The following MCC variants were observed in gnomAD, a reference collection of about 807,000 sequenced individuals.
MCC encodes the protein MCC regulator of Wnt signaling pathway.
In MCC, 90 loss-of-function variants were observed where a neutral mutation model predicts 116.2. The ratio of observed to expected loss-of-function variants is 0.77; its 90% CI spans 0.65 to 0.92. The LOEUF is 0.92. Ranked by LOEUF, MCC falls within the 40% of genes least tolerant of loss-of-function variation. The pLI, the probability that MCC is intolerant of heterozygous loss-of-function variation, is 0.00. For synonymous variants in MCC, 578 were observed against 510.5 expected, an observed-to-expected ratio of 1.13 and a Z score of -1.78; for missense variants, 1,516 against 1,312.2, an observed-to-expected ratio of 1.16 and a Z score of -2.40.
intron 3 of MCC, among the ~76,000 whole-genome samples, chr5:113,184,712 C>G (rs537068117): frequency 5.9e-5 from 9 of 152,112 alleles, no homozygotes; most frequent in African/African-American, 1.9e-4. Flanking sequence ...AAGAGATGGA[C>G]AGGTATAAGT....
chr5:113,482,388 G>A (rs748908148), intron 1 of MCC, among the ~76,000 whole-genome samples: 4 of 152,096 alleles, frequency 2.6e-5, no homozygotes, highest in Non-Finnish European at 4.4e-5. Context: ...CAATATAGAA[G>A]GGTTCTGATT....
At chr5:113,096,565 T>A (rs536929849) in intron 8 of MCC, among the ~76,000 whole-genome samples, 20 of 152,132 alleles carry the variant, frequency 1.3e-4, no homozygotes, top group African/African-American at 4.6e-4. Context: ...CTGTTGAATA[T>A]CCACATGTTC....
intron 1 of MCC, among the ~76,000 whole-genome samples, chr5:113,455,937 G>A (rs1181411900): frequency 6.6e-6 from 1 of 151,902 alleles, no homozygotes; most frequent in Non-Finnish European, 1.5e-5. Flanking sequence ...CCACAGAAAG[G>A]GTAAATAAAC....
chr5:113,089,492 A>C (rs1297052565), intron 8 of MCC, among the ~76,000 whole-genome samples: 1 of 152,262 alleles, frequency 6.6e-6, no homozygotes, highest in African/African-American at 2.4e-5. Context: ...CTGATGGTTC[A>C]GATAGGAAAT....
chr5:113,430,479 G>C (rs1770601388), intron 1 of MCC, among the ~76,000 whole-genome samples: 1 of 152,188 alleles, frequency 6.6e-6, no homozygotes, highest in Admixed American at 6.5e-5. Context: ...TCTGAGGGTA[G>C]AAACATAAGT....
At chr5:113,257,609 G>T (rs1765066739) in intron 3 of MCC, among the ~76,000 whole-genome samples, 1 of 152,112 alleles carries the variant, frequency 6.6e-6, no homozygotes, top group South Asian at 2.1e-4. Flanking sequence ...CAGACAAGAG[G>T]TACAGAAAAC....
At chr5:113,175,469 G>A (rs927571843) in intron 3 of MCC, among the ~76,000 whole-genome samples, 1 of 152,138 alleles carries the variant, frequency 6.6e-6, no homozygotes, top group African/African-American at 2.4e-5. Context: ...AGTTAATTTA[G>A]CTATTCACAG....
chr5:113,165,939 C>T (rs770725874), intron 3 of MCC, among the ~76,000 whole-genome samples: 1 of 140,308 alleles, frequency 7.1e-6, no homozygotes, highest in Admixed American at 7.2e-5. Context: ...CATTTGCAAG[C>T]TAAATTTCTC....
chr5:113,356,063 ATT>A (rs5870538), intron 2 of MCC, among the ~76,000 whole-genome samples: 1 of 140,146 alleles, frequency 7.1e-6, no homozygotes. Flanking sequence ...GGCAAGGTGT[ATT>A]TTTTTTTTTT....
At chr5:113,096,087 C>G (rs1373419767) in intron 8 of MCC, among the ~76,000 whole-genome samples, 2 of 152,324 alleles carry the variant, frequency 1.3e-5, no homozygotes, top group East Asian at 3.9e-4. Flanking sequence ...CAGTGCAGGG[C>G]AGGCTCCACA....
At chr5:113,285,399 C>T (rs113195527) in intron 3 of MCC, among the ~76,000 whole-genome samples, 3,033 of 138,944 alleles carry the variant, frequency 0.022, 34 homozygotes, top group Middle Eastern at 0.035. Flanking sequence ...CAAATTCAGG[C>T]CTGCGTTGGA....
intron 1 of MCC, among the ~76,000 whole-genome samples, chr5:113,418,230 G>A (rs1009490088): frequency 4.6e-5 from 7 of 151,246 alleles, no homozygotes; most frequent in Admixed American, 2.0e-4. Flanking sequence ...AGGGGTACAC[G>A]TTGTGCACAT....
At chr5:113,332,180 G>A (rs1561526851) in intron 3 of MCC, among the ~76,000 whole-genome samples, 2 of 150,904 alleles carry the variant, frequency 1.3e-5, no homozygotes. Context: ...TTTCTTTTTT[G>A]ATGTTTCCTT....
intron 3 of MCC, among the ~76,000 whole-genome samples, chr5:113,273,111 GAA>G: frequency 6.6e-6 from 1 of 152,276 alleles, no homozygotes; most frequent in Middle Eastern, 3.4e-3. Flanking sequence ...AAAAATAAAA[GAA>G]TATCTTAATC....
At chr5:113,384,008 T>A (rs534110541) in intron 2 of MCC, among the ~76,000 whole-genome samples, 2 of 152,128 alleles carry the variant, frequency 1.3e-5, no homozygotes, top group Non-Finnish European at 2.9e-5. Context: ...ACCCTGAAAA[T>A]TCAGATACTT....
intron 4 of MCC, among the ~76,000 whole-genome samples, chr5:113,146,933 T>C (rs970758718): frequency 7.9e-5 from 12 of 152,204 alleles, no homozygotes; most frequent in Non-Finnish European, 1.3e-4. Context: ...TTGCAGTGTC[T>C]TGCCTGCCAT....
intron 3 of MCC, among the ~76,000 whole-genome samples, chr5:113,295,410 A>G (rs1038933429): frequency 1.3e-4 from 20 of 152,098 alleles, no homozygotes; most frequent in African/African-American, 4.8e-4. Context: ...GGGGCAGAGT[A>G]CATTTTCTGC....
At chr5:113,443,740 T>C (rs1347250902) in intron 1 of MCC, among the ~76,000 whole-genome samples, 1 of 152,226 alleles carries the variant, frequency 6.6e-6, no homozygotes, top group Non-Finnish European at 1.5e-5. Flanking sequence ...CTTTTCTGTA[T>C]CTCTTGAGAT....
At chr5:113,435,123 G>A (rs1043653584) in intron 1 of MCC, 2 of 410,252 alleles carry the variant, frequency 4.9e-6, no homozygotes, top group Non-Finnish European at 4.5e-6. Flanking sequence ...GGCTGGAGCA[G>A]ACAAGATGAG....
Sources: gnomAD v4.1 joint callset for allele counts (sites outside exome capture counted in the v4.1 genomes callset) on GRCh38, gnomAD v4.1.1 for gene constraint, MANE v1.5 for transcripts, NCBI Gene and HGNC (gene_info 2026-07-23, HGNC 2026-07-21) for gene names.